Variants in SEMA3D observed in about 807,000 individuals in gnomAD.
The protein encoded by SEMA3D is semaphorin-3D.
In SEMA3D, 84 loss-of-function variants were observed where a neutral mutation model predicts 100.1. The ratio of observed to expected loss-of-function variants is 0.84; its 90% CI spans 0.70 to 1.01. The LOEUF (loss-of-function observed/expected upper bound fraction) is 1.01, where lower values mean the gene tolerates loss of function less well. Among genes scored for constraint, SEMA3D ranks in the 50% least tolerant of loss-of-function variants. The probability of loss-of-function intolerance (pLI) is 0.00; values close to 1 mark genes in which losing one functional copy is unlikely to be tolerated. For synonymous variants in SEMA3D, 312 were observed against 320.7 expected, an observed-to-expected ratio of 0.97 and a Z score of 0.29; for missense variants, 875 against 934.1, an observed-to-expected ratio of 0.94 and a Z score of 0.82.
intron 1 of SEMA3D, chr7:85,160,116 C>T (rs2116514606): frequency 1.3e-5 from 11 of 823,942 alleles, no homozygotes; most frequent in Non-Finnish European, 1.5e-5. Context: ...ATTGAGTTTT[C>T]AAGCCTAACA....
intron 2 of SEMA3D, among the ~76,000 whole-genome samples, chr7:85,131,597 C>T (rs1789726173): frequency 6.6e-6 from 1 of 151,852 alleles, no homozygotes. Flanking sequence ...TCCTTTAATG[C>T]CTTCTCCAGA....
intron 5 of SEMA3D, 152 bp downstream of exon 5, chr7:85,081,365 A>C: frequency 9.6e-6 from 5 of 518,194 alleles, no homozygotes; most frequent in Non-Finnish European, 1.7e-5. Context: ...AGATAGAGAT[A>C]TTTTATTCCA....
the SEMA3D span, among the ~76,000 whole-genome samples, chr7:85,224,047 T>C: frequency 6.6e-6 from 1 of 152,132 alleles, no homozygotes; most frequent in Non-Finnish European, 1.5e-5. Context: ...TACAAATATA[T>C]CAATTTTCAA....
intron 1 of SEMA3D, among the ~76,000 whole-genome samples, chr7:85,155,632 T>A (rs1019284319): frequency 6.6e-6 from 1 of 152,174 alleles, no homozygotes; most frequent in Non-Finnish European, 1.5e-5. Context: ...TACATTTAGG[T>A]ACTATAAAAC....
At chr7:85,072,819 T>TA in intron 6 of SEMA3D, 143 bp downstream of exon 6, 3 of 629,756 alleles carry the variant, frequency 4.8e-6, no homozygotes, top group Non-Finnish European at 5.3e-6. Flanking sequence ...TCCTCCTGAG[T>TA]ATTGGCATTA....
At chr7:85,175,297 A>G (rs557882362) in intron 1 of SEMA3D, among the ~76,000 whole-genome samples, 9 of 152,322 alleles carry the variant, frequency 5.9e-5, no homozygotes, top group African/African-American at 2.2e-4. Flanking sequence ...CTTCTAAACA[A>G]TCAACATCCA....
At chr7:85,172,232 T>G (rs985391098) in intron 1 of SEMA3D, among the ~76,000 whole-genome samples, 1 of 151,984 alleles carries the variant, frequency 6.6e-6, no homozygotes, top group Admixed American at 6.6e-5. Context: ...GTATCCTATC[T>G]CTAAAACATT....
intron 1 of SEMA3D, chr7:85,159,831 C>A: frequency 1.0e-6 from 1 of 984,828 alleles, no homozygotes; most frequent in Non-Finnish European, 1.2e-6. Flanking sequence ...TTCCTTCACA[C>A]TGTCCTGCAG....
In SEMA3D at chr7:85,068,268, A is replaced by C. The variant is rs2116161396; in HGVS notation, c.512T>G (p.Leu171Arg). The C allele has an allele frequency of 6.3e-7, 1 of 1,583,612 alleles. No homozygotes were observed. Among genetic ancestry groups the C allele is most frequent in the Non-Finnish European group, 8.7e-7 (1 of 1,152,466 alleles). Residue 171 changes from leucine to arginine, a missense_variant, in exon 7 of 19, where the codon CTA becomes CGA. Leu to Arg is a moderately radical substitution (Grantham distance 102). Transcript: ENST00000284136. Reference protein sequence around the residue: ...GVYKEDIIFKLDTHNLESGRL... With the variant: ...GVYKEDIIFKRDTHNLESGRL... ...GCCAGACTCCAAATTATGTGTGTCT[A>C]GTTTGAATATAATATCCTGTTATGA...
At chr7:85,085,969 T>C (rs543195668) in intron 4 of SEMA3D, among the ~76,000 whole-genome samples, 17 of 152,324 alleles carry the variant, frequency 1.1e-4, no homozygotes, top group African/African-American at 3.8e-4. Context: ...TACAACTAAT[T>C]ACAAGCTTCA....
chr7:85,228,754 T>C, the SEMA3D span, among the ~76,000 whole-genome samples: 2 of 152,084 alleles, frequency 1.3e-5, no homozygotes, highest in Non-Finnish European at 2.9e-5. Flanking sequence ...TCATTGCTCA[T>C]GAAAGTCATA....
chr7:85,006,570 A>G (rs1789801100), intron 18 of SEMA3D, among the ~76,000 whole-genome samples: 1 of 151,942 alleles, frequency 6.6e-6, no homozygotes, highest in South Asian at 2.1e-4. Context: ...AAAAAAATGT[A>G]AATTTCTTTA....
In SEMA3D at chr7:85,031,787, A is replaced by T. The variant is rs558604990; in HGVS notation, c.1191+5102T>A. Among the ~76,000 whole-genome samples the T allele has an allele frequency of 5.2e-4, 79 of 151,958 alleles. 1 individual carries two copies. Among genetic ancestry groups the T allele is most frequent in the Non-Finnish European group, 9.9e-4 (67 of 67,910 alleles). ...CTTATCAGAGTGTCTGGATCATAAG[A>T]AGTGTTCAGTAATGAGTTTGATCAA... On this transcript the variant is annotated intron_variant, in intron 12 of 18. Coordinates refer to ENST00000284136, the MANE Select transcript of SEMA3D (RefSeq NM_001384900.1).
the SEMA3D span, among the ~76,000 whole-genome samples, chr7:85,213,393 A>T: frequency 6.6e-6 from 1 of 152,200 alleles, no homozygotes; most frequent in African/African-American, 2.4e-5. Context: ...TTAAAATCCA[A>T]AATGGTATTC....
chr7:85,148,425 T>C (rs1271551991), intron 2 of SEMA3D, among the ~76,000 whole-genome samples: 1 of 152,216 alleles, frequency 6.6e-6, no homozygotes, highest in Non-Finnish European at 1.5e-5. Flanking sequence ...AGGACTCTCA[T>C]ATTTGAGTTC....
chr7:85,193,265 A>G, the SEMA3D span, among the ~76,000 whole-genome samples: 74 of 152,212 alleles, frequency 4.9e-4, 1 homozygote, highest in Admixed American at 2.9e-3. Flanking sequence ...AAGTTAATGG[A>G]GGCTTGGAGT....
chr7:85,229,278 C>T, the SEMA3D span, among the ~76,000 whole-genome samples: 3 of 152,066 alleles, frequency 2.0e-5, no homozygotes, highest in South Asian at 2.1e-4. Context: ...GATATCATCT[C>T]GCTCAGAGTA....
chr7:85,230,685 T>C, the SEMA3D span, among the ~76,000 whole-genome samples: 1 of 152,216 alleles, frequency 6.6e-6, no homozygotes, highest in Admixed American at 6.5e-5. Context: ...ACTTCTTCCA[T>C]GGTCTTTAGA....
At chr7:85,000,559 A>T (rs1466043020) in intron 18 of SEMA3D, among the ~76,000 whole-genome samples, 1 of 152,108 alleles carries the variant, frequency 6.6e-6, no homozygotes, top group Admixed American at 6.6e-5. Context: ...TTTGCTGTGG[A>T]TTGAATTTTC....
Sources: gnomAD v4.1 joint callset for allele counts (sites outside exome capture counted in the v4.1 genomes callset) on GRCh38, gnomAD v4.1.1 for gene constraint, MANE v1.5 for transcripts, NCBI Gene and HGNC (gene_info 2026-07-23, HGNC 2026-07-21) for gene names.